The following HPSE2 variants were observed in gnomAD, a reference collection of about 807,000 sequenced individuals.
HPSE2 encodes inactive heparanase-2.
Under a neutral mutation model 60.5 loss-of-function variants are expected in HPSE2, and 38 were observed. The ratio of observed to expected loss-of-function variants is 0.63; its 90% CI spans 0.48 to 0.82. The LOEUF (loss-of-function observed/expected upper bound fraction) is 0.82. Ranked by LOEUF, HPSE2 falls within the 40% of genes least tolerant of loss-of-function variation. The probability of loss-of-function intolerance (pLI) is 0.00; values close to 1 mark genes in which losing one functional copy is unlikely to be tolerated. For missense variants in HPSE2, 713 were observed against 740.4 expected (o/e 0.96, Z 0.43); for synonymous variants, 295 against 293.2 (o/e 1.01, Z -0.06).
At chr10:99,092,333 T>C (rs757327036) in intron 3 of HPSE2, among the ~76,000 whole-genome samples, 5 of 152,220 alleles carry the variant, frequency 3.3e-5, no homozygotes, top group Non-Finnish European at 7.3e-5. Context: ...ATGTGATAGA[T>C]ATTATTGTCA....
At chr10:99,184,256 G>A (rs1386783182) in intron 2 of HPSE2, among the ~76,000 whole-genome samples, 1 of 152,064 alleles carries the variant, frequency 6.6e-6, no homozygotes, top group African/African-American at 2.4e-5. Flanking sequence ...CGGGCATGGT[G>A]GCTCACACCT....
chr10:98,496,263 A>G (rs935178192), intron 9 of HPSE2, among the ~76,000 whole-genome samples: 3 of 152,202 alleles, frequency 2.0e-5, no homozygotes, highest in Non-Finnish European at 4.4e-5. Flanking sequence ...AAGGAAAAAG[A>G]GGAAAAAAGG....
At chr10:98,720,044 A>C (rs1286625310) in intron 5 of HPSE2, among the ~76,000 whole-genome samples, 2 of 152,044 alleles carry the variant, frequency 1.3e-5, no homozygotes, top group Admixed American at 6.6e-5. Flanking sequence ...ATCTATATGG[A>C]AAGATTATTA....
the HPSE2 span, among the ~76,000 whole-genome samples, chr10:99,295,595 T>C: frequency 6.6e-6 from 1 of 152,218 alleles, no homozygotes; most frequent in Non-Finnish European, 1.5e-5. Context: ...TTTAACTTTT[T>C]TATACAAGAG....
intron 9 of HPSE2, among the ~76,000 whole-genome samples, chr10:98,491,001 C>G (rs1302153090): frequency 2.0e-5 from 3 of 152,174 alleles, no homozygotes; most frequent in Admixed American, 2.0e-4. Context: ...GTTATGCAAG[C>G]TCTTACCAGC....
intron 7 of HPSE2, among the ~76,000 whole-genome samples, chr10:98,630,094 A>T (rs1462814902): frequency 1.3e-5 from 2 of 151,546 alleles, no homozygotes; most frequent in Admixed American, 1.3e-4. Flanking sequence ...TCCCTTAGCT[A>T]CCTCTTCCCC....
chr10:99,036,329 G>A (rs1371628561), intron 3 of HPSE2, among the ~76,000 whole-genome samples: 1 of 152,170 alleles, frequency 6.6e-6, no homozygotes, highest in Non-Finnish European at 1.5e-5. Flanking sequence ...GGAAAATATA[G>A]ATGAGCCTGG....
chr10:99,125,461 T>C (rs942149414), intron 3 of HPSE2, among the ~76,000 whole-genome samples: 2 of 152,228 alleles, frequency 1.3e-5, no homozygotes, highest in African/African-American at 4.8e-5. Context: ...GCAGATTGGA[T>C]ACTGGGTTAA....
intron 6 of HPSE2, among the ~76,000 whole-genome samples, chr10:98,666,775 A>G (rs1565063201): frequency 2.6e-5 from 4 of 152,182 alleles, no homozygotes. Flanking sequence ...TTGGGATGCC[A>G]CTAAAGTGGT....
At chr10:98,975,947 G>A (rs1437019824) in intron 3 of HPSE2, among the ~76,000 whole-genome samples, 1 of 152,112 alleles carries the variant, frequency 6.6e-6, no homozygotes, top group Non-Finnish European at 1.5e-5. Flanking sequence ...TTTAGAAATA[G>A]AATAGAACTA....
intron 9 of HPSE2, among the ~76,000 whole-genome samples, chr10:98,493,326 T>C (rs2133688273): frequency 6.6e-6 from 1 of 152,348 alleles, no homozygotes; most frequent in South Asian, 2.1e-4. Context: ...AGTTGGTTTA[T>C]TATGTTGTTT....
chr10:99,249,591 T>C, the HPSE2 span, among the ~76,000 whole-genome samples: 3 of 152,178 alleles, frequency 2.0e-5, no homozygotes, highest in Non-Finnish European at 4.4e-5. Context: ...TTTGAATTAA[T>C]GCTGAAATGA....
rs774805856 is a variant in HPSE2 at position 99,144,362 on chromosome 10, T to C, written c.486A>G (p.Lys162=). ...VRSDVALDKQ[K]GCKIAQHPDV... ...CAGGGTGCTGGGCAATCTTGCAGCCTTTCTGTTTATCTAAGGCAACATCAC... is the reference window on the plus strand; with the variant it reads ...CAGGGTGCTGGGCAATCTTGCAGCCCTTCTGTTTATCTAAGGCAACATCAC... The change falls in exon 3 of 12, where the codon AAA becomes AAG. Residue 162 remains lysine, a synonymous_variant. Coordinates refer to ENST00000370552, the MANE Select transcript of HPSE2 (RefSeq NM_021828.5). The C allele has an allele frequency of 2.5e-6, 4 of 1,613,980 alleles. No homozygotes were observed. Among genetic ancestry groups the C allele is most frequent in the Non-Finnish European group, 3.4e-6 (4 of 1,179,978 alleles).
At chr10:99,221,525 T>G (rs1209333945) in intron 2 of HPSE2, among the ~76,000 whole-genome samples, 1 of 152,132 alleles carries the variant, frequency 6.6e-6, no homozygotes, top group South Asian at 2.1e-4. Context: ...TTTTAGACAA[T>G]AAGTATTTTA....
At chr10:99,147,122 C>G (rs1846084811) in intron 2 of HPSE2, among the ~76,000 whole-genome samples, 1 of 152,086 alleles carries the variant, frequency 6.6e-6, no homozygotes, top group African/African-American at 2.4e-5. Flanking sequence ...TTAAATACGA[C>G]GAAACTGAGG....
chr10:98,934,764 A>T (rs1954743618), intron 3 of HPSE2, among the ~76,000 whole-genome samples: 1 of 143,270 alleles, frequency 7.0e-6, no homozygotes. Flanking sequence ...CTTGGGGCAG[A>T]TCTTTTTGTG....
intron 3 of HPSE2, among the ~76,000 whole-genome samples, chr10:98,929,937 T>G (rs1433966579): frequency 6.9e-6 from 1 of 144,114 alleles, no homozygotes; most frequent in East Asian, 2.0e-4. Flanking sequence ...AAATAAAGTT[T>G]TATTGGCTAT....
At chr10:98,461,885 G>T in intron 11 of HPSE2, 1 of 1,163,312 alleles carries the variant, frequency 8.6e-7, no homozygotes, top group Non-Finnish European at 1.3e-6. Flanking sequence ...AGGAGTAGTT[G>T]TCCTGGAACA....
upstream of HPSE2, among the ~76,000 whole-genome samples, chr10:99,236,372 C>T (rs1343105139): frequency 1.3e-5 from 2 of 152,098 alleles, no homozygotes; most frequent in Non-Finnish European, 2.9e-5. Flanking sequence ...CCGAAAGCCC[C>T]AGCGCCAACC....
Sources: allele counts gnomAD v4.1 joint callset (sites outside exome capture counted in the v4.1 genomes callset), GRCh38; gene constraint gnomAD v4.1.1; transcripts MANE v1.5; gene names NCBI Gene and HGNC (gene_info 2026-07-23, HGNC 2026-07-21).